Variants in STXBP6 observed in about 807,000 individuals in gnomAD.
STXBP6 encodes the protein syntaxin binding protein 6.
In STXBP6, 21 loss-of-function variants were observed where a neutral mutation model predicts 26.9. That is an observed-to-expected ratio of 0.78 (90% CI 0.55 to 1.12). The LOEUF is 1.12. Among genes scored for constraint, STXBP6 ranks in the 50% most tolerant of loss-of-function variants. The pLI, the probability that STXBP6 is intolerant of heterozygous loss-of-function variation, is 0.00. For synonymous variants in STXBP6, 97 were observed against 92.6 expected (o/e 1.05, Z -0.27); for missense variants, 232 against 257.9 (o/e 0.90, Z 0.69).
At chr14:24,852,767 A>C (rs971992031) in intron 4 of STXBP6, among the ~76,000 whole-genome samples, 1 of 152,156 alleles carries the variant, frequency 6.6e-6, no homozygotes, top group Non-Finnish European at 1.5e-5. Context: ...CCAGGAATGT[A>C]GTGGCTAAAA....
intron 2 of STXBP6, among the ~76,000 whole-genome samples, chr14:24,905,955 T>C (rs997047608): frequency 6.6e-6 from 1 of 152,148 alleles, no homozygotes; most frequent in Non-Finnish European, 1.5e-5. Context: ...TAAGTAGTAG[T>C]TATAGAAACC....
At chr14:25,035,000 A>T (rs776803091) in intron 1 of STXBP6, among the ~76,000 whole-genome samples, 2 of 151,896 alleles carry the variant, frequency 1.3e-5, no homozygotes, top group Admixed American at 6.6e-5. Context: ...CAAATACAAA[A>T]ATTAGTTGGG....
At chr14:24,948,653 T>C (rs2073069279) in intron 2 of STXBP6, among the ~76,000 whole-genome samples, 1 of 152,172 alleles carries the variant, frequency 6.6e-6, no homozygotes, top group Non-Finnish European at 1.5e-5. Flanking sequence ...TTTCTCTTCT[T>C]TTGTTGCTAT....
intron 1 of STXBP6, among the ~76,000 whole-genome samples, chr14:25,034,320 C>T (rs1287958051): frequency 1.3e-5 from 2 of 152,186 alleles, no homozygotes; most frequent in South Asian, 4.1e-4. Flanking sequence ...TTACATGAAG[C>T]TGAATATCTT....
At chr14:24,970,212 GCCTGGGCAACAGAACGAGA>G (rs1421137526) in intron 2 of STXBP6, among the ~76,000 whole-genome samples, 2 of 151,302 alleles carry the variant, frequency 1.3e-5, no homozygotes, top group Non-Finnish European at 2.9e-5. Flanking sequence ...CTGCACTCCA[GCCTGGGCAACAGAACGAGA>G]CTCCGTCTCA....
chr14:24,924,325 C>A (rs1367110253), intron 2 of STXBP6, among the ~76,000 whole-genome samples: 2 of 152,036 alleles, frequency 1.3e-5, no homozygotes, highest in Non-Finnish European at 2.9e-5. Context: ...CAAAAAAGTT[C>A]TTATTCTAGG....
chr14:24,928,185 C>A (rs2072248327), intron 2 of STXBP6, among the ~76,000 whole-genome samples: 1 of 152,100 alleles, frequency 6.6e-6, no homozygotes, highest in Non-Finnish European at 1.5e-5. Context: ...TACAAATGCA[C>A]ATCATTAACA....
At chr14:24,914,761 A>G (rs1421933536) in intron 2 of STXBP6, among the ~76,000 whole-genome samples, 2 of 152,134 alleles carry the variant, frequency 1.3e-5, no homozygotes, top group Non-Finnish European at 2.9e-5. Context: ...TAATTCTTTG[A>G]TGGAGATTTA....
chr14:25,015,406 C>T (rs111754025), intron 1 of STXBP6, among the ~76,000 whole-genome samples: 6 of 152,052 alleles, frequency 3.9e-5, no homozygotes, highest in African/African-American at 1.5e-4. Flanking sequence ...GTCTCCACCC[C>T]TTCCATTAGC....
chr14:24,931,633 T>C (rs1214464423), intron 2 of STXBP6, among the ~76,000 whole-genome samples: 1 of 152,192 alleles, frequency 6.6e-6, no homozygotes, highest in African/African-American at 2.4e-5. Flanking sequence ...AAGTGAAGTG[T>C]ACTCTCTTCT....
intron 1 of STXBP6, among the ~76,000 whole-genome samples, chr14:25,013,786 T>A (rs1350525683): frequency 2.0e-5 from 3 of 148,194 alleles, no homozygotes; most frequent in Non-Finnish European, 4.5e-5. Context: ...GAAGGGTGAA[T>A]CCACAGATTA....
chr14:24,875,541 G>A (rs2070106571), intron 2 of STXBP6, among the ~76,000 whole-genome samples: 4 of 152,106 alleles, frequency 2.6e-5, no homozygotes, highest in African/African-American at 9.7e-5. Flanking sequence ...GAGGACTCTT[G>A]GCAGGAAGGA....
intron 2 of STXBP6, among the ~76,000 whole-genome samples, chr14:24,918,242 T>A (rs182459146): frequency 4.1e-4 from 63 of 151,848 alleles, no homozygotes; most frequent in African/African-American, 1.5e-3. Flanking sequence ...CAATTGTACA[T>A]CTAAATGGGT....
At chr14:25,001,358 T>A (rs1183942051) in intron 1 of STXBP6, among the ~76,000 whole-genome samples, 3 of 152,196 alleles carry the variant, frequency 2.0e-5, no homozygotes, top group African/African-American at 7.2e-5. Flanking sequence ...CTGTGGCATT[T>A]CCTGAGTGAT....
intron 1 of STXBP6, among the ~76,000 whole-genome samples, chr14:25,017,082 C>A (rs1465644357): frequency 6.6e-6 from 1 of 152,164 alleles, no homozygotes; most frequent in Non-Finnish European, 1.5e-5. Context: ...AAAGTAGTAT[C>A]TCTAATTTTA....
intron 1 of STXBP6, among the ~76,000 whole-genome samples, chr14:25,047,113 A>T (rs1240774526): frequency 1.3e-5 from 2 of 152,192 alleles, no homozygotes; most frequent in East Asian, 3.9e-4. Context: ...CTCCAACCTT[A>T]AGGTTCAAGC....
At chr14:24,897,655 T>C (rs1055543673) in intron 2 of STXBP6, among the ~76,000 whole-genome samples, 1 of 152,122 alleles carries the variant, frequency 6.6e-6, no homozygotes, top group Non-Finnish European at 1.5e-5. Flanking sequence ...AATTCCACAG[T>C]ACACCTGGGA....
chr14:24,974,899 G>A (rs2074004269), intron 1 of STXBP6, 49 bp from the exon 2 acceptor site: 3 of 1,258,648 alleles, frequency 2.4e-6, no homozygotes, highest in Admixed American at 2.9e-5. Flanking sequence ...AACATTGTAA[G>A]GGTTCATACA....
chr14:24,990,591 G>T (rs2074440588), intron 1 of STXBP6, among the ~76,000 whole-genome samples: 1 of 145,966 alleles, frequency 6.9e-6, no homozygotes, highest in Non-Finnish European at 1.5e-5. Context: ...CTGGGAGGCG[G>T]AGGTTGCAGT....
Sources: allele counts gnomAD v4.1 joint callset (sites outside exome capture counted in the v4.1 genomes callset), GRCh38; gene constraint gnomAD v4.1.1; transcripts MANE v1.5; gene names NCBI Gene and HGNC (gene_info 2026-07-23, HGNC 2026-07-21).